Variants in NKAIN2 observed in about 807,000 individuals in gnomAD.
NKAIN2 encodes the protein sodium/potassium transporting ATPase interacting 2, also known as sodium/potassium-transporting ATPase subunit beta-1-interacting protein 2.
A neutral mutation model predicts 32.6 loss-of-function variants in NKAIN2; 14 were observed. The observed-to-expected ratio is 0.43, with a 90% CI of 0.28 to 0.67. The LOEUF is 0.67. Among genes scored for constraint, NKAIN2 ranks in the 30% least tolerant of loss-of-function variants. The pLI is 0.17. For synonymous variants in NKAIN2, 80 were observed against 87.2 expected (o/e 0.92, Z 0.46); for missense variants, 198 against 258.3 (o/e 0.77, Z 1.60).
intron 4 of NKAIN2, among the ~76,000 whole-genome samples, chr6:124,753,511 GCTT>G (rs1777822728): frequency 6.6e-6 from 1 of 152,066 alleles, no homozygotes; most frequent in African/African-American, 2.4e-5. Flanking sequence ...GAGAAAAATG[GCTT>G]ATTATATAAT....
chr6:124,221,584 AAC>A (rs1791828521), intron 1 of NKAIN2, among the ~76,000 whole-genome samples: 1 of 152,074 alleles, frequency 6.6e-6, no homozygotes, highest in Admixed American at 6.5e-5. Flanking sequence ...AAAGAAATAA[AAC>A]GATAATTAAG....
Position 124,778,447 on chromosome 6 carries a change from C to T in NKAIN2, c.475-12892C>T, listed in dbSNP as rs191715456. Among the ~76,000 whole-genome samples, 23 of 151,258 alleles carry T rather than the reference C, an allele frequency of 1.5e-4. No individual in the cohort carries two copies. In the East Asian group the frequency reaches 4.5e-3, roughly 29 times the overall value. On this transcript the variant is annotated intron_variant, in intron 4 of 6. Coordinates refer to ENST00000368417, the MANE Select transcript of NKAIN2 (RefSeq NM_001040214.3). Reference sequence around the variant, plus strand: ...ATCAAATTATTTTTCTTCTCCTACTCTTGTGTTTCTTTAATAGAGTCATCA... The same window carrying T: ...ATCAAATTATTTTTCTTCTCCTACTTTTGTGTTTCTTTAATAGAGTCATCA...
intron 1 of NKAIN2, among the ~76,000 whole-genome samples, chr6:124,132,996 T>G (rs540277889): frequency 6.6e-6 from 1 of 152,302 alleles, no homozygotes; most frequent in African/African-American, 2.4e-5. Context: ...TGGTGAGTCA[T>G]TTCTCGCAAC....
chr6:124,149,727 A>G (rs949597991), intron 1 of NKAIN2, among the ~76,000 whole-genome samples: 7 of 152,198 alleles, frequency 4.6e-5, no homozygotes, highest in Non-Finnish European at 8.8e-5. Context: ...GGAAATGTAC[A>G]TACCCCGATT....
chr6:123,880,153 G>A (rs1234379629), intron 1 of NKAIN2, among the ~76,000 whole-genome samples: 1 of 152,146 alleles, frequency 6.6e-6, no homozygotes, highest in Non-Finnish European at 1.5e-5. Context: ...ATATGTAAGG[G>A]ACTAGAGCAT....
chr6:124,417,584 G>A (rs113743089), intron 3 of NKAIN2, among the ~76,000 whole-genome samples: 165 of 151,882 alleles, frequency 1.1e-3, no homozygotes, highest in Middle Eastern at 6.8e-3. Flanking sequence ...AATAGTATAC[G>A]TGTTGTAGAC....
chr6:124,078,510 G>A (rs553437596), intron 1 of NKAIN2, among the ~76,000 whole-genome samples: 174 of 152,230 alleles, frequency 1.1e-3, no homozygotes, highest in Non-Finnish European at 1.8e-3. Context: ...TAAGTAATAT[G>A]ACCAAAGTCA....
intron 2 of NKAIN2, among the ~76,000 whole-genome samples, chr6:124,288,491 T>A (rs932240509): frequency 5.3e-5 from 8 of 152,224 alleles, no homozygotes; most frequent in Non-Finnish European, 1.0e-4. Flanking sequence ...AACCTCATGT[T>A]TCAAGAGTTT....
At chr6:124,379,124 AGGGGAGGAGAGGGGAG>A (rs1800117852) in intron 3 of NKAIN2, among the ~76,000 whole-genome samples, 1 of 63,202 alleles carries the variant, frequency 1.6e-5, no homozygotes, top group Non-Finnish European at 3.3e-5. Context: ...AGGAGAGGGG[AGGGGAGGAGAGGGGAG>A]GGGAGGGAGG....
chr6:123,841,089 C>G (rs1774848600), intron 1 of NKAIN2, among the ~76,000 whole-genome samples: 2 of 152,222 alleles, frequency 1.3e-5, no homozygotes, highest in East Asian at 3.9e-4. Context: ...TATAGCACAA[C>G]TGTTATTCTA....
chr6:124,057,470 T>C (rs1782711410), intron 1 of NKAIN2, among the ~76,000 whole-genome samples: 1 of 151,960 alleles, frequency 6.6e-6, no homozygotes. Context: ...CCTTCTCCAT[T>C]AAAAAGTATA....
At chr6:123,927,536 G>A (rs1215901911) in intron 1 of NKAIN2, among the ~76,000 whole-genome samples, 1 of 152,160 alleles carries the variant, frequency 6.6e-6, no homozygotes, top group African/African-American at 2.4e-5. Flanking sequence ...GAATATGTCC[G>A]ATGCCTCCAA....
intron 1 of NKAIN2, among the ~76,000 whole-genome samples, chr6:124,002,673 C>T (rs1289252268): frequency 6.6e-6 from 1 of 152,082 alleles, no homozygotes; most frequent in Admixed American, 6.6e-5. Flanking sequence ...TTAACTTGCT[C>T]CATTCAAAAG....
chr6:124,756,558 G>A (rs999607426), intron 4 of NKAIN2, among the ~76,000 whole-genome samples: 1 of 152,054 alleles, frequency 6.6e-6, no homozygotes, highest in Non-Finnish European at 1.5e-5. Flanking sequence ...ACTTTGGGAG[G>A]CCTAGGAGAA....
intron 2 of NKAIN2, among the ~76,000 whole-genome samples, chr6:124,286,673 T>TGC (rs71021487): frequency 2.5e-3 from 255 of 101,932 alleles, no homozygotes; most frequent in Non-Finnish European, 4.0e-3. Context: ...TGTGTGTGTG[T>TGC]GCGCGCGCGT....
At chr6:123,903,293 G>T (rs1352223984) in intron 1 of NKAIN2, among the ~76,000 whole-genome samples, 5 of 151,776 alleles carry the variant, frequency 3.3e-5, no homozygotes, top group Admixed American at 2.0e-4. Context: ...TTTGTTTTTT[G>T]TTGTTGTTGT....
rs369711851 is a variant in NKAIN2 at position 123,961,894 on chromosome 6, T to C, written c.54+157640T>C. Among the ~76,000 whole-genome samples, 4 of 152,248 alleles carry C rather than the reference T, an allele frequency of 2.6e-5. No individual in the cohort carries two copies. In the East Asian group the frequency reaches 7.7e-4, roughly 29 times the overall value. ...ACATAGTGGAAATATCAGAGATAAA[T>C]TTATAGCATAGTGGGAACATGACAG... On this transcript the variant is annotated intron_variant, in intron 1 of 6. Transcript: ENST00000368417.
intron 3 of NKAIN2, among the ~76,000 whole-genome samples, chr6:124,644,581 T>C (rs1223974939): frequency 1.3e-5 from 2 of 152,136 alleles, no homozygotes; most frequent in Non-Finnish European, 2.9e-5. Context: ...ACTTTTTGTA[T>C]ATTTAGTAGA....
At chr6:124,635,664 CAGTA>C (rs376979043) in intron 3 of NKAIN2, among the ~76,000 whole-genome samples, 277 of 149,966 alleles carry the variant, frequency 1.8e-3, no homozygotes, top group African/African-American at 5.9e-3. Flanking sequence ...ACAAAATAGA[CAGTA>C]AGTAAAAATC....
Sources: allele counts gnomAD v4.1 joint callset (sites outside exome capture counted in the v4.1 genomes callset), GRCh38; gene constraint gnomAD v4.1.1; transcripts MANE v1.5; gene names NCBI Gene and HGNC (gene_info 2026-07-23, HGNC 2026-07-21).